The following PDE3B variants were observed in gnomAD, a reference collection of about 807,000 sequenced individuals.
The protein encoded by PDE3B is cGMP-inhibited 3',5'-cyclic phosphodiesterase 3B.
PDE3B carries 66 observed loss-of-function variants against 116.8 expected under a neutral mutation model. That is an observed-to-expected ratio of 0.56 (90% CI 0.46 to 0.69). The LOEUF (loss-of-function observed/expected upper bound fraction) is 0.69. Among genes scored for constraint, PDE3B ranks in the 30% least tolerant of loss-of-function variants. The pLI, the probability that PDE3B is intolerant of heterozygous loss-of-function variation, is 0.00. For synonymous variants in PDE3B, 595 were observed against 533.6 expected, an observed-to-expected ratio of 1.12 and a Z score of -1.59; for missense variants, 1,384 against 1,368.1, an observed-to-expected ratio of 1.01 and a Z score of -0.18.
At chr11:14,657,298 G>A (rs1398707814) in intron 1 of PDE3B, among the ~76,000 whole-genome samples, 1 of 152,162 alleles carries the variant, frequency 6.6e-6, no homozygotes, top group African/African-American at 2.4e-5. Context: ...AGGGAGATAA[G>A]AGATACGGAA....
chr11:14,817,975 C>T (rs1354788656), intron 5 of PDE3B, among the ~76,000 whole-genome samples: 4 of 152,020 alleles, frequency 2.6e-5, no homozygotes, highest in African/African-American at 9.7e-5. Flanking sequence ...GGTGTTTACC[C>T]AACAGCCATT....
chr11:14,855,679 G>A (rs906878549), intron 12 of PDE3B, among the ~76,000 whole-genome samples: 1 of 152,052 alleles, frequency 6.6e-6, no homozygotes, highest in Admixed American at 6.6e-5. Context: ...GACAGAGCAA[G>A]AGAAAGAGAG....
chr11:14,724,351 C>G (rs1171660069), intron 1 of PDE3B, among the ~76,000 whole-genome samples: 4 of 152,070 alleles, frequency 2.6e-5, no homozygotes, highest in East Asian at 1.9e-4. Context: ...CATTAGTTAG[C>G]TTTTGCCGAA....
intron 5 of PDE3B, among the ~76,000 whole-genome samples, chr11:14,808,526 A>G (rs1424716334): frequency 1.3e-5 from 2 of 152,230 alleles, no homozygotes; most frequent in Non-Finnish European, 2.9e-5. Flanking sequence ...AAGTAAGGCT[A>G]CTTTTACTCA....
Position 14,832,809 on chromosome 11 carries a change from GAA to G in PDE3B, c.2185_2186del (p.Asn729TrpfsTer43). On this transcript the variant is annotated frameshift_variant, in exon 10 of 16. Transcript: ENST00000282096. LOFTEE classifies it high-confidence loss of function. Reference sequence around the variant, plus strand: ...ATTTATGAACTATTTTCGTGCATTAGAAAATGGCTATCGAGACATTCCTTGTA... The same window carrying G: ...ATTTATGAACTATTTTCGTGCATTAGAATGGCTATCGAGACATTCCTTGTA... ...QQFMNYFRAL[E>X]NGYRDIPYHN... is the part of the protein sequence containing the mutation. 1 of 1,489,672 alleles carries G rather than the reference GAA, an allele frequency of 6.7e-7. No individual in the cohort carries two copies. Among genetic ancestry groups the G allele is most frequent in the Non-Finnish European group, 9.3e-7 (1 of 1,080,204 alleles). The allele number at this position is 1,489,672 out of a possible 1,614,324, so 92.3% of individuals were successfully genotyped here. A position where few individuals can be genotyped will look rare whatever the true frequency, so the allele number is the denominator to read the frequency against.
chr11:14,784,132 C>T (rs1858122259), intron 2 of PDE3B, among the ~76,000 whole-genome samples: 1 of 152,148 alleles, frequency 6.6e-6, no homozygotes, highest in Non-Finnish European at 1.5e-5. Context: ...CGCACCCCTA[C>T]CCAGTCTGTG....
intron 1 of PDE3B, among the ~76,000 whole-genome samples, chr11:14,709,905 A>G (rs919101199): frequency 8.5e-5 from 13 of 152,114 alleles, no homozygotes; most frequent in African/African-American, 3.1e-4. Flanking sequence ...TCTTAATTGT[A>G]TTATTCCTAT....
intron 1 of PDE3B, among the ~76,000 whole-genome samples, chr11:14,670,691 C>T (rs1221519977): frequency 6.6e-6 from 1 of 152,052 alleles, no homozygotes; most frequent in Non-Finnish European, 1.5e-5. Context: ...TTTAGGATAT[C>T]TTCCAACCAT....
intron 1 of PDE3B, among the ~76,000 whole-genome samples, chr11:14,703,349 A>G (rs530061429): frequency 1.5e-4 from 23 of 151,796 alleles, no homozygotes; most frequent in Non-Finnish European, 3.2e-4. Flanking sequence ...GTGGAGAAGT[A>G]TAAAGAAAAA....
At chr11:14,791,373 T>C (rs931928456) in intron 4 of PDE3B, among the ~76,000 whole-genome samples, 10 of 152,096 alleles carry the variant, frequency 6.6e-5, no homozygotes, top group African/African-American at 2.4e-4. Flanking sequence ...CTATGCCTGA[T>C]ACCAGGTTTC....
intron 1 of PDE3B, among the ~76,000 whole-genome samples, chr11:14,763,333 C>T (rs991027186): frequency 2.6e-5 from 4 of 152,024 alleles, no homozygotes; most frequent in African/African-American, 9.7e-5. Context: ...TTAGAGACCT[C>T]ATCAAGAACA....
At chr11:14,819,260 A>G (rs766748147) in intron 7 of PDE3B, 51 bp downstream of exon 7, 20 of 1,084,896 alleles carry the variant, frequency 1.8e-5, no homozygotes, top group East Asian at 4.8e-5. Context: ...ATTTCTTACA[A>G]TGATTTTTAG....
chr11:14,897,209 G>T, the PDE3B span, among the ~76,000 whole-genome samples: 2 of 152,188 alleles, frequency 1.3e-5, no homozygotes, highest in East Asian at 3.9e-4. Flanking sequence ...TGAAAGATTT[G>T]GCTACATTTC....
Position 14,789,237 on chromosome 11 carries a change from T to C in PDE3B, c.1410T>C (p.Ile470=), listed in dbSNP as rs764009211. The part of the protein sequence containing the change: ...NGKRPHQEFG[I]SSQGCYLNGP... ...AAAGACCTCACCAAGAATTTGGCAT[T>C]TCAAGGTAAAATCTGCAGAGCCTTT... The change falls in exon 4 of 16, where the codon ATT becomes ATC. Residue 470 remains isoleucine (I), a synonymous_variant. Coordinates refer to ENST00000282096, the MANE Select transcript of PDE3B (RefSeq NM_000922.4). 4 of 1,604,116 alleles carry C rather than the reference T, an allele frequency of 2.5e-6. No individual in the cohort carries two copies. Among genetic ancestry groups the C allele is most frequent in the Admixed American group, 1.7e-5 (1 of 58,016 alleles).
chr11:14,745,982 G>GT (rs1252503014), intron 1 of PDE3B, among the ~76,000 whole-genome samples: 2 of 152,146 alleles, frequency 1.3e-5, no homozygotes, highest in African/African-American at 4.8e-5. Flanking sequence ...TCTATGTTAT[G>GT]TTGTCCAGCT....
At chr11:14,651,335 T>TCC (rs1853570316) in intron 1 of PDE3B, among the ~76,000 whole-genome samples, 1 of 152,176 alleles carries the variant, frequency 6.6e-6, no homozygotes, top group Non-Finnish European at 1.5e-5. Context: ...TGGATTGGGG[T>TCC]CCACCCTGAT....
At chr11:14,881,344 T>C in the PDE3B span, among the ~76,000 whole-genome samples, 7 of 152,206 alleles carry the variant, frequency 4.6e-5, no homozygotes, top group Admixed American at 3.9e-4. Context: ...CTCAAACTTT[T>C]CTAATGCTGA....
At position 14,671,471 on chromosome 11, in the gene PDE3B, A is replaced by G. The variant is rs563117709; in HGVS notation, c.978+26418A>G. ...GGTGGGAGTGGTAAGAACAGTGTGG[A>G]TCACATAAGGCCTTATACACCTTGT... On this transcript the variant is annotated intron_variant, in intron 1 of 15. Coordinates refer to ENST00000282096, the MANE Select transcript of PDE3B (RefSeq NM_000922.4). 8.5e-5 allele frequency among the ~76,000 whole-genome samples: 13 copies of G among 152,284 alleles called. No homozygotes were observed. The South Asian group carries it at 2.7e-3, about 32-fold the overall frequency.
intron 1 of PDE3B, among the ~76,000 whole-genome samples, chr11:14,713,585 G>C (rs1855770750): frequency 6.6e-6 from 1 of 152,030 alleles, no homozygotes; most frequent in Admixed American, 6.6e-5. Context: ...TAATGCTTCA[G>C]ACTTGGACTG....
Sources: gnomAD v4.1 joint callset for allele counts (sites outside exome capture counted in the v4.1 genomes callset) on GRCh38, gnomAD v4.1.1 for gene constraint, MANE v1.5 for transcripts, NCBI Gene and HGNC (gene_info 2026-07-23, HGNC 2026-07-21) for gene names.